LMCD1: variants seen among roughly 807,000 people sequenced by gnomAD.
The protein encoded by LMCD1 is LIM and cysteine-rich domains protein 1.
In LMCD1, 32 loss-of-function variants were observed where a neutral mutation model predicts 42.7. The ratio of observed to expected loss-of-function variants is 0.75; its 90% CI spans 0.57 to 1.01. LMCD1 has a LOEUF of 1.01. Ranked by LOEUF, LMCD1 falls within the 50% of genes least tolerant of loss-of-function variation. LMCD1 has a pLI of 0.00. For synonymous variants in LMCD1, 178 were observed against 184.9 expected, an observed-to-expected ratio of 0.96 and a Z score of 0.30; for missense variants, 458 against 483.1, an observed-to-expected ratio of 0.95 and a Z score of 0.49.
chr3:8,567,464 C>A lies in LMCD1; in HGVS notation c.964C>A (p.Arg322Ser). 3 of 1,614,006 alleles carry A rather than the reference C, an allele frequency of 1.9e-6. No individual in the cohort carries two copies. The highest frequency in any genetic ancestry group is 2.5e-6 in the Non-Finnish European group (3 of 1,179,986). The change falls in exon 6 of 6, where the codon CGT becomes AGT. Residue 322 changes from arginine (R) to serine (S), a missense_variant. By Grantham distance (110) the Arg-to-Ser change is moderately radical (BLOSUM62 -1). Coordinates refer to ENST00000157600, the MANE Select transcript of LMCD1 (RefSeq NM_014583.4). ...DEIIFAEDYQ[R>S]VEDLAWHRKH... Reference sequence around the variant, plus strand: ...GATAATATTCGCTGAGGACTACCAGCGTGTGGAAGATCTGGCCTGGCACCG... The same window carrying A: ...GATAATATTCGCTGAGGACTACCAGAGTGTGGAAGATCTGGCCTGGCACCG...
chr3:8,502,103 G>T lies in LMCD1; in HGVS notation c.42+123G>T, dbSNP rs1574940148. ...AACTCTTTAAATTCCAAAACTGCAT[G>T]GAAAACAAATAGTTGGGAATACATG... is the stretch of plus-strand genomic sequence containing the variant. On this transcript the variant is annotated intron_variant, in intron 1 of 5. Transcript: ENST00000157600. The T allele has an allele frequency of 6.3e-6, 5 of 793,682 alleles. No homozygotes were observed. In the East Asian group the frequency reaches 1.6e-4, roughly 25 times the overall value. 49.2% of individuals were successfully genotyped at this position (793,682 alleles called of 1,614,324 possible). A position where few individuals can be genotyped will look rare whatever the true frequency, so the allele number is the denominator to read the frequency against.
intron 1 of LMCD1, among the ~76,000 whole-genome samples, chr3:8,527,614 T>C (rs915612653): frequency 2.5e-4 from 38 of 152,308 alleles, no homozygotes; most frequent in African/African-American, 8.4e-4. Flanking sequence ...AAATAACAAG[T>C]CATGTTGACC....
chr3:8,548,502 C>A, intron 3 of LMCD1, 66 bp from the exon 4 acceptor site: 1 of 1,152,154 alleles, frequency 8.7e-7, no homozygotes, highest in Non-Finnish European at 1.2e-6. Context: ...TAGATTCTGT[C>A]ATAGTTTCTT....
At chr3:8,547,664 GGGTGCATCACTA>G (rs1278846066) in intron 3 of LMCD1, among the ~76,000 whole-genome samples, 1 of 152,072 alleles carries the variant, frequency 6.6e-6, no homozygotes, top group Non-Finnish European at 1.5e-5. Flanking sequence ...AGACCGAGGC[GGGTGCATCACTA>G]GGTCAGGAGA....
At chr3:8,542,002 C>CTTTTTTTTTTT (rs1187864989) in intron 3 of LMCD1, among the ~76,000 whole-genome samples, 7 of 76,734 alleles carry the variant, frequency 9.1e-5, no homozygotes, top group Non-Finnish European at 1.2e-4. Flanking sequence ...GAGGCTGGAG[C>CTTTTTTTTTTT]TTTTTTTTTT....
intron 4 of LMCD1, chr3:8,549,751 G>T: frequency 1.4e-6 from 1 of 698,684 alleles, no homozygotes; most frequent in South Asian, 1.5e-5. Context: ...CAAGGCCAAG[G>T]GGCTGCATCT....
Position 8,539,093 on chromosome 3 carries a change from G to A in LMCD1, c.387+1653G>A, listed in dbSNP as rs578178320. ...GTAAGACTCACACTGAAATCTCATG[G>A]GGTATGCGCTACATTCTAATCACAT... is the stretch of plus-strand genomic sequence containing the variant. On this transcript the variant is annotated intron_variant, in intron 3 of 5. Transcript: ENST00000157600. Among the ~76,000 whole-genome samples the A allele has an allele frequency of 8.3e-4, 126 of 152,286 alleles. 1 individual carries two copies. Among genetic ancestry groups the A allele is most frequent in the African/African-American group, 2.9e-3 (122 of 41,564 alleles).
chr3:8,561,750 G>A (rs1204910658), intron 4 of LMCD1, among the ~76,000 whole-genome samples: 2 of 152,168 alleles, frequency 1.3e-5, no homozygotes, highest in Non-Finnish European at 2.9e-5. Flanking sequence ...AATAACTCTA[G>A]AAGGAGAAAT....
At chr3:8,536,859 C>G (rs1375399029) in intron 2 of LMCD1, among the ~76,000 whole-genome samples, 1 of 152,210 alleles carries the variant, frequency 6.6e-6, no homozygotes, top group East Asian at 1.9e-4. Context: ...ATGGGCCACA[C>G]AGACTCCAGC....
At chr3:8,520,015 A>G (rs1472484722) in intron 1 of LMCD1, among the ~76,000 whole-genome samples, 1 of 152,182 alleles carries the variant, frequency 6.6e-6, no homozygotes, top group African/African-American at 2.4e-5. Flanking sequence ...AAGCATTTGC[A>G]TAAGCAAAGC....
chr3:8,547,663 C>T (rs548816169), intron 3 of LMCD1, among the ~76,000 whole-genome samples: 66 of 152,200 alleles, frequency 4.3e-4, no homozygotes, highest in African/African-American at 1.6e-3. Context: ...GAGACCGAGG[C>T]GGGTGCATCA....
intron 1 of LMCD1, among the ~76,000 whole-genome samples, chr3:8,526,867 T>C (rs1574955157): frequency 6.6e-6 from 1 of 152,214 alleles, no homozygotes; most frequent in East Asian, 1.9e-4. Context: ...GGACTAAAGA[T>C]GGTCCCTAAA....
chr3:8,571,247 A>G lies in LMCD1; in HGVS notation c.*3649A>G, dbSNP rs184469567. 2.0e-4 allele frequency: 31 copies of G among 152,256 alleles called. No individual in the cohort carries two copies. In the East Asian group the frequency reaches 6.0e-3, roughly 29 times the overall value. 9.4% of individuals were successfully genotyped at this position (152,256 alleles called of 1,614,324 possible). A position where few individuals can be genotyped will look rare whatever the true frequency, so the allele number is the denominator to read the frequency against. ...TATTTATTCATGAAAGCCTTCCCCT[A>G]TGAACTTCTAAAGAATAATCGTATT... On this transcript the variant is annotated 3_prime_UTR_variant, in exon 6 of 6. Transcript: ENST00000157600.
At chr3:8,525,749 T>G (rs1409806439) in intron 1 of LMCD1, among the ~76,000 whole-genome samples, 1 of 152,304 alleles carries the variant, frequency 6.6e-6, no homozygotes, top group East Asian at 1.9e-4. Context: ...AAGTCCAAGT[T>G]GGAACGGTTG....
At chr3:8,562,496 C>A (rs147861306) in intron 4 of LMCD1, among the ~76,000 whole-genome samples, 1 of 152,212 alleles carries the variant, frequency 6.6e-6, no homozygotes, top group African/African-American at 2.4e-5. Flanking sequence ...GGCTGTGCCC[C>A]CCTTCACAAG....
intron 3 of LMCD1, among the ~76,000 whole-genome samples, chr3:8,539,815 T>TATG (rs1279365326): frequency 1.1e-4 from 16 of 147,888 alleles, no homozygotes; most frequent in African/African-American, 3.9e-4. Context: ...TTATTATTAT[T>TATG]ATTATTATTA....
At chr3:8,510,958 C>G (rs895591324) in intron 1 of LMCD1, among the ~76,000 whole-genome samples, 6 of 152,226 alleles carry the variant, frequency 3.9e-5, no homozygotes, top group Non-Finnish European at 5.9e-5. Flanking sequence ...ATATACACAT[C>G]TATGCATAGG....
At chr3:8,560,175 G>A (rs958593980) in intron 4 of LMCD1, among the ~76,000 whole-genome samples, 2 of 121,708 alleles carry the variant, frequency 1.6e-5, no homozygotes, top group African/African-American at 7.2e-5. Flanking sequence ...CAAGGCGGGA[G>A]GATCCTTTGA....
At chr3:8,554,608 T>C (rs371924901) in intron 4 of LMCD1, among the ~76,000 whole-genome samples, 3 of 152,266 alleles carry the variant, frequency 2.0e-5, no homozygotes, top group East Asian at 1.9e-4. Flanking sequence ...TCCAGCAACC[T>C]GGACCCATTC....
Sources: allele counts gnomAD v4.1 joint callset (sites outside exome capture counted in the v4.1 genomes callset), GRCh38; gene constraint gnomAD v4.1.1; transcripts MANE v1.5; gene names NCBI Gene and HGNC (gene_info 2026-07-23, HGNC 2026-07-21).